The following H1-8 variants were observed in gnomAD, a reference collection of about 807,000 sequenced individuals.
The protein encoded by H1-8 is H1.8 linker histone, also known as histone H1.8.
Under a neutral mutation model 19.5 loss-of-function variants are expected in H1-8, and 13 were observed. The observed-to-expected ratio is 0.67, with a 90% confidence interval of 0.43 to 1.06. H1-8 has a LOEUF of 1.06. Among genes scored for constraint, H1-8 ranks in the 50% least tolerant of loss-of-function variants. The probability of loss-of-function intolerance (pLI) is 0.00; values close to 1 mark genes in which losing one functional copy is unlikely to be tolerated. For missense variants in H1-8, 432 were observed against 459.8 expected (o/e 0.94, Z 0.55); for synonymous variants, 193 against 187.6 (o/e 1.03, Z -0.24).
intron 3 of H1-8, 116 bp downstream of exon 3, chr3:129,549,480 G>A: frequency 8.0e-7 from 1 of 1,243,540 alleles, no homozygotes; most frequent in South Asian, 1.5e-5. Flanking sequence ...TGTGTCCTGA[G>A]TGCTGGGCTT....
chr3:129,549,394 G>C (rs1163778025), intron 3 of H1-8, 30 bp downstream of exon 3: 1 of 1,538,682 alleles, frequency 6.5e-7, no homozygotes. Context: ...GGGGTGGTGT[G>C]GGGATGGGGG....
rs1012008094 is a variant in H1-8 at position 129,548,261 on chromosome 3, G to C, written c.378+581G>C. On this transcript the variant is annotated intron_variant, in intron 2 of 4. Transcript: ENST00000324382. ...CCTGCATGTAGCAGCTGCCATGACA[G>C]TTGCCATGGAATGCTGGGGAACATT... is the stretch of plus-strand genomic sequence containing the variant. The C allele has an allele frequency of 1.4e-5, 12 of 879,930 alleles. No homozygotes were observed. In the East Asian group the frequency reaches 3.6e-4, roughly 27 times the overall value. 54.5% of individuals were successfully genotyped at this position (879,930 alleles called of 1,614,324 possible). A position where few individuals can be genotyped will look rare whatever the true frequency, so the allele number is the denominator to read the frequency against.
Position 129,549,101 on chromosome 3 carries a change from C to G in H1-8, c.479C>G (p.Pro160Arg). The G allele has an allele frequency of 6.2e-7, 1 of 1,601,056 alleles. No individual in the cohort carries two copies. The highest frequency in any genetic ancestry group is 8.5e-7 in the Non-Finnish European group (1 of 1,173,072). ...GEAKGKGPKK[P>R]SEAKEDPPNV... ...GCCAAGGGGAAGGGCCCCAAGAAACCAAGTGAGGCCAAGGAGGACCCTCCC... is the reference window on the plus strand; with the variant it reads ...GCCAAGGGGAAGGGCCCCAAGAAACGAAGTGAGGCCAAGGAGGACCCTCCC... Residue 160 changes from proline to arginine, a missense_variant, in exon 3 of 5, where the codon CCA (proline) becomes CGA (arginine). Pro to Arg is a moderately radical substitution (Grantham distance 103). Coordinates refer to ENST00000324382, the MANE Select transcript of H1-8 (RefSeq NM_153833.3).
chr3:129,548,405 C>G (rs142251271), intron 2 of H1-8: 10 of 986,474 alleles, frequency 1.0e-5, no homozygotes, highest in Non-Finnish European at 1.1e-5. Flanking sequence ...CAGGACCAGG[C>G]GGCTAAGCAG....
At chr3:129,544,423 A>G (rs895336146) in intron 1 of H1-8, among the ~76,000 whole-genome samples, 1 of 152,054 alleles carries the variant, frequency 6.6e-6, no homozygotes, top group East Asian at 1.9e-4. Context: ...AGAGGCCAGA[A>G]TATGGAGAGA....
intron 2 of H1-8, chr3:129,548,319 C>A (rs1199029107): frequency 1.7e-5 from 17 of 985,870 alleles, no homozygotes; most frequent in Non-Finnish European, 1.9e-5. Flanking sequence ...CCTGTGGTTA[C>A]CTGGTGACAG....
Position 129,547,699 on chromosome 3 carries a change from G to A in H1-8, c.378+19G>A. The stretch of plus-strand genomic sequence containing the variant: ...CTTCAAAGTAAGCGCCCCTGAGGGA[G>A]GACATAGCCCAGGGTTGGAGCAATG... On this transcript the variant is annotated intron_variant, in intron 2 of 4. Coordinates refer to ENST00000324382, the MANE Select transcript of H1-8 (RefSeq NM_153833.3). 6.5e-7 allele frequency: 1 copy of A among 1,527,760 alleles called. No individual in the cohort carries two copies. 94.6% of individuals were successfully genotyped at this position (1,527,760 alleles called of 1,614,324 possible).
At position 129,543,318 on chromosome 3, in the gene H1-8, G is replaced by A; in HGVS notation, c.88+12G>A. 6.2e-7 allele frequency: 1 copy of A among 1,601,950 alleles called. No individual in the cohort carries two copies. Among genetic ancestry groups the A allele is most frequent in the Non-Finnish European group, 8.5e-7 (1 of 1,170,824 alleles). ...ATCTGAAAAGCCAGGTGAGCAAGAGGAGGCAGCTCCTCCCTCATCCCTGCG... is the reference window on the plus strand; with the variant it reads ...ATCTGAAAAGCCAGGTGAGCAAGAGAAGGCAGCTCCTCCCTCATCCCTGCG... On this transcript the variant is annotated intron_variant, in intron 1 of 4. Transcript: ENST00000324382.
In H1-8 at chr3:129,551,383, T is replaced by C. The variant is rs1425390931; in HGVS notation, c.*43T>C. ...GAGAGAGACCGAGCCTCTGCCCTAG[T>C]TTTTATTCTTCAACTAACCACTGCT... is the stretch of plus-strand genomic sequence containing the variant. On this transcript the variant is annotated 3_prime_UTR_variant, in exon 5 of 5. Coordinates refer to ENST00000324382, the MANE Select transcript of H1-8 (RefSeq NM_153833.3). 2.1e-5 allele frequency: 26 copies of C among 1,246,746 alleles called. 2 individuals are homozygous for C. The highest frequency in any genetic ancestry group is 9.6e-5 in the East Asian group (4 of 41,802). The allele number at this position is 1,246,746 out of a possible 1,614,324, so 77.2% of individuals were successfully genotyped here.
At position 129,549,465 on chromosome 3, in the gene H1-8, G is replaced by T. The variant is rs59417369; in HGVS notation, c.742+101G>T. On this transcript the variant is annotated intron_variant, in intron 3 of 4. Coordinates refer to ENST00000324382, the MANE Select transcript of H1-8 (RefSeq NM_153833.3). ...CTCTGGAGAGGGGTTTCCTTATCTAGTGCATGTGTCCTGAGTGCTGGGCTT... is the reference window on the plus strand; with the variant it reads ...CTCTGGAGAGGGGTTTCCTTATCTATTGCATGTGTCCTGAGTGCTGGGCTT... 9 of 1,353,446 alleles carry T rather than the reference G, an allele frequency of 6.6e-6. No homozygotes were observed. In the African/African-American group the frequency reaches 1.0e-4, roughly 15 times the overall value. The allele number at this position is 1,353,446 out of a possible 1,614,324, so 83.8% of individuals were successfully genotyped here.
At chr3:129,545,488 T>C (rs1372983123) in intron 1 of H1-8, among the ~76,000 whole-genome samples, 1 of 152,192 alleles carries the variant, frequency 6.6e-6, no homozygotes, top group East Asian at 1.9e-4. Flanking sequence ...CTTTAAAGTG[T>C]ACAATGGCTT....
At position 129,551,313 on chromosome 3, in the gene H1-8, A is replaced by C. The variant is rs370270355; in HGVS notation, c.1014A>C (p.Lys338Asn). The C allele has an allele frequency of 1.2e-6, 2 of 1,613,582 alleles. No individual in the cohort carries two copies. The highest frequency in any genetic ancestry group is 1.7e-6 in the Non-Finnish European group (2 of 1,179,914). The change falls in exon 5 of 5, where the codon AAA becomes AAC. Residue 338 changes from lysine (K) to asparagine (N), a missense_variant. Transcript: ENST00000324382. ...TGCCCATCAAGGCCTCATCATCCAA[A>C]GTGTCCAGCCAGAGGGCTGAAGCTT... The part of the protein sequence containing the change: ...AGLPIKASSS[K>N]VSSQRAEA
In H1-8 at chr3:129,551,262, C is replaced by T. The variant is rs780636586; in HGVS notation, c.963C>T (p.Ala321=). ...CACATTTGTCCAGGAAGACAGAGGC[C>T]CCCAAGGGCCCTAGAAAGGCTGGGC... is the stretch of plus-strand genomic sequence containing the variant. ...VPAHLSRKTE[A]PKGPRKAGLP... Residue 321 remains alanine, a synonymous_variant, in exon 5 of 5, where the codon GCC becomes GCT. Coordinates refer to ENST00000324382, the MANE Select transcript of H1-8 (RefSeq NM_153833.3). 24 of 1,614,010 alleles carry T rather than the reference C, an allele frequency of 1.5e-5. No homozygotes were observed. Among genetic ancestry groups the T allele is most frequent in the Middle Eastern group, 1.6e-4 (1 of 6,084 alleles).
intron 1 of H1-8, 62 bp downstream of exon 1, chr3:129,543,368 A>G (rs2084865861): frequency 1.7e-6 from 2 of 1,209,506 alleles, no homozygotes; most frequent in South Asian, 2.6e-5. Context: ...GTTGCCTTTG[A>G]TGCTCCACCC....
Position 129,549,225 on chromosome 3 carries a change from C to G in H1-8, c.603C>G (p.Gly201=). Reference sequence around the variant, plus strand: ...CCACAGAGAAGGCTCGCAAGCAAGGCGGCGCGGCCAAGGACACCAGGGCAC... The same window carrying G: ...CCACAGAGAAGGCTCGCAAGCAAGGGGGCGCGGCCAAGGACACCAGGGCAC... The part of the protein sequence containing the change: ...GAATEKARKQ[G]GAAKDTRAQS... The change falls in exon 3 of 5, where the codon GGC becomes GGG. Residue 201 remains glycine (G), a synonymous_variant. Transcript: ENST00000324382. 1 of 1,578,712 alleles carries G rather than the reference C, an allele frequency of 6.3e-7. No homozygotes were observed. Among genetic ancestry groups the G allele is most frequent in the South Asian group, 1.1e-5 (1 of 87,064 alleles).
chr3:129,547,764 C>G, intron 2 of H1-8, 84 bp downstream of exon 2: 1 of 1,241,874 alleles, frequency 8.1e-7, no homozygotes, highest in Non-Finnish European at 1.1e-6. Context: ...TACTGGAAGG[C>G]CTTTCCCCTC....
chr3:129,551,046 C>G (rs1207434046), intron 4 of H1-8, 61 bp from the exon 5 acceptor site: 1 of 1,468,858 alleles, frequency 6.8e-7, no homozygotes, highest in African/African-American at 1.4e-5. Context: ...CCAGAGCCAC[C>G]CAGAGCTGGG....
chr3:129,551,232 A>G lies in H1-8; in HGVS notation c.933A>G (p.Val311=). The change falls in exon 5 of 5, where the codon GTA becomes GTG. Residue 311 remains valine (V), a synonymous_variant. Transcript: ENST00000324382. Reference sequence around the variant, plus strand: ...CTAAGGGCAGTGGGTCCAAGGTGGTACCTGCACATTTGTCCAGGAAGACAG... The same window carrying G: ...CTAAGGGCAGTGGGTCCAAGGTGGTGCCTGCACATTTGTCCAGGAAGACAG... ...APAKGSGSKV[V]PAHLSRKTEA... is the part of the protein sequence containing the mutation. 3 of 1,614,196 alleles carry G rather than the reference A, an allele frequency of 1.9e-6. No individual in the cohort carries two copies. Among genetic ancestry groups the G allele is most frequent in the Non-Finnish European group, 2.5e-6 (3 of 1,180,030 alleles).
chr3:129,547,645 A>C lies in H1-8; in HGVS notation c.343A>C (p.Asn115His), dbSNP rs1578290046. The C allele has an allele frequency of 1.9e-6, 3 of 1,546,640 alleles. No individual in the cohort carries two copies. The highest frequency in any genetic ancestry group is 1.7e-6 in the Non-Finnish European group (2 of 1,146,952). Residue 115 changes from asparagine (N) to histidine (H), a missense_variant, in exon 2 of 5, where the codon AAC becomes CAC. Coordinates refer to ENST00000324382, the MANE Select transcript of H1-8 (RefSeq NM_153833.3). ...MRRGLLARPLNSKARGATGSF... is the reference protein window; with the variant it reads ...MRRGLLARPLHSKARGATGSF... ...CCGTGGCCTCCTCGCCAGGCCCCTC[A>C]ACTCCAAAGCCAGGGGGGCCACTGG... is the stretch of plus-strand genomic sequence containing the variant.
Sources: gnomAD v4.1 joint callset for allele counts (sites outside exome capture counted in the v4.1 genomes callset) on GRCh38, gnomAD v4.1.1 for gene constraint, MANE v1.5 for transcripts, NCBI Gene and HGNC (gene_info 2026-07-23, HGNC 2026-07-21) for gene names.